The following CPZ variants were observed in gnomAD, a reference collection of about 807,000 sequenced individuals.
CPZ encodes the protein VEZT/CPZ fusion.
Under a neutral mutation model 61.8 loss-of-function variants are expected in CPZ, and 103 were observed. The observed-to-expected ratio is 1.67, with a 90% CI of 1.42 to 1.96. The LOEUF (loss-of-function observed/expected upper bound fraction) is 1.96. CPZ is among the 30% of genes most tolerant of loss of function. The pLI, the probability that CPZ is intolerant of heterozygous loss-of-function variation, is 0.00. For synonymous variants in CPZ, 551 were observed against 373.7 expected, an observed-to-expected ratio of 1.47 and a Z score of -5.47; for missense variants, 1,461 against 914.9, an observed-to-expected ratio of 1.60 and a Z score of -7.70.
chr4:8,609,072 C>CTTCCT (rs113012911), intron 7 of CPZ, among the ~76,000 whole-genome samples: 1 of 112,340 alleles, frequency 8.9e-6, no homozygotes, highest in Non-Finnish European at 2.0e-5. Flanking sequence ...CCCTCACTCA[C>CTTCCT]CACTCATACA....
chr4:8,618,237 G>A, intron 9 of CPZ, 192 bp from the exon 10 acceptor site: 8 of 598,716 alleles, frequency 1.3e-5, no homozygotes, highest in Middle Eastern at 3.8e-4. Context: ...TGCCAGGGAG[G>A]AAACTGAGGC....
Position 8,600,972 on chromosome 4 carries a change from C to T in CPZ, c.122-151C>T, listed in dbSNP as rs1428156308. On this transcript the variant is annotated intron_variant, in intron 2 of 10. Coordinates refer to ENST00000360986, the MANE Select transcript of CPZ (RefSeq NM_001014447.3). ...TCTCTCACAGGCTCTGATTCCTGCA[C>T]AGTAGCTGTTGTCCTGGTCCTCCCC... 5.3e-5 allele frequency: 75 copies of T among 1,405,370 alleles called. 1 individual carries two copies. The highest frequency in any genetic ancestry group is 6.3e-5 in the Non-Finnish European group (68 of 1,084,044). The allele number at this position is 1,405,370 out of a possible 1,614,324, so 87.1% of individuals were successfully genotyped here.
At position 8,600,946 on chromosome 4, in the gene CPZ, G is replaced by C. The variant is rs1714526983; in HGVS notation, c.122-177G>C. On this transcript the variant is annotated intron_variant, in intron 2 of 10. Transcript: ENST00000360986. ...TGGTTGGTCTTAGGCTCCTCCTCTG[G>C]TCTCTCACAGGCTCTGATTCCTGCA... 12 of 1,352,100 alleles carry C rather than the reference G, an allele frequency of 8.9e-6. No individual in the cohort carries two copies. The East Asian group carries it at 3.4e-4, about 39-fold the overall frequency. 83.8% of individuals were successfully genotyped at this position (1,352,100 alleles called of 1,614,324 possible).
At position 8,619,672 on chromosome 4, in the gene CPZ, G is replaced by A. The variant is rs1577134011; in HGVS notation, c.*55G>A. On this transcript the variant is annotated 3_prime_UTR_variant, in exon 11 of 11. Transcript: ENST00000360986. ...AGACCGAGGCCCATCTCCGCATCCCGGGCTCCTGGCTCTTGATTTTGTCTG... is the reference window on the plus strand; with the variant it reads ...AGACCGAGGCCCATCTCCGCATCCCAGGCTCCTGGCTCTTGATTTTGTCTG... 9.8e-6 allele frequency: 13 copies of A among 1,327,898 alleles called. No individual in the cohort carries two copies. Among genetic ancestry groups the A allele is most frequent in the African/African-American group, 1.5e-5 (1 of 67,372 alleles). The allele number at this position is 1,327,898 out of a possible 1,614,324, so 82.3% of individuals were successfully genotyped here. A position where few individuals can be genotyped will look rare whatever the true frequency, so the allele number is the denominator to read the frequency against.
chr4:8,605,563 ATATC>A (rs1186068499), intron 4 of CPZ, among the ~76,000 whole-genome samples: 1 of 123,632 alleles, frequency 8.1e-6, no homozygotes, highest in Non-Finnish European at 1.7e-5. Context: ...CATCATTGAT[ATATC>A]TATCCATCCA....
chr4:8,610,905 C>G (rs140726120), intron 7 of CPZ, among the ~76,000 whole-genome samples: 1 of 152,230 alleles, frequency 6.6e-6, no homozygotes, highest in African/African-American at 2.4e-5. Context: ...CCAAACCTCA[C>G]GTCTGGGAGT....
chr4:8,612,428 C>T (rs1013619512), intron 8 of CPZ, among the ~76,000 whole-genome samples: 1 of 152,188 alleles, frequency 6.6e-6, no homozygotes, highest in Non-Finnish European at 1.5e-5. Flanking sequence ...CGGTTTCACC[C>T]ATGACCAATA....
At position 8,612,286 on chromosome 4, in the gene CPZ, C is replaced by A. The variant is rs925021010; in HGVS notation, c.1363+124C>A. 7.5e-6 allele frequency: 6 copies of A among 804,248 alleles called. No individual in the cohort carries two copies. In the Admixed American group the frequency reaches 2.0e-4, roughly 26 times the overall value. The allele number at this position is 804,248 out of a possible 1,614,324, so 49.8% of individuals were successfully genotyped here. On this transcript the variant is annotated intron_variant, in intron 8 of 10. Coordinates refer to ENST00000360986, the MANE Select transcript of CPZ (RefSeq NM_001014447.3). ...CAGCTGGAGAGCCCGGAAGACAGGG[C>A]GATGCCTCACCTGGTGGAGAGGAGG...
At chr4:8,614,937 C>G (rs1716035834) in intron 9 of CPZ, among the ~76,000 whole-genome samples, 2 of 151,608 alleles carry the variant, frequency 1.3e-5, no homozygotes, top group African/African-American at 4.8e-5. Context: ...TGCTAGAACC[C>G]CAAGGGGACA....
chr4:8,594,610 G>A (rs866603813), intron 1 of CPZ, among the ~76,000 whole-genome samples: 8 of 152,136 alleles, frequency 5.3e-5, no homozygotes, highest in Non-Finnish European at 1.2e-4. Flanking sequence ...TTGAAGAAAT[G>A]CTGCCACCTC....
intron 9 of CPZ, among the ~76,000 whole-genome samples, chr4:8,616,925 CAGG>C (rs1413571795): frequency 6.6e-6 from 1 of 152,178 alleles, no homozygotes; most frequent in East Asian, 1.9e-4. Flanking sequence ...TCCATCGCGT[CAGG>C]AGGGCTGGGA....
intron 7 of CPZ, among the ~76,000 whole-genome samples, chr4:8,609,184 G>GCATTCACTCACTCCCTCATTCCCTTACT (rs796375066): frequency 9.1e-6 from 1 of 109,324 alleles, no homozygotes; most frequent in Non-Finnish European, 2.0e-5. Context: ...ATTCACTCAG[G>GCATTCACTCACTCCCTCATTCCCTTACT]CATTCACTCA....
At chr4:8,607,032 T>G in intron 6 of CPZ, 134 bp downstream of exon 6, 2 of 1,155,254 alleles carry the variant, frequency 1.7e-6, no homozygotes, top group Non-Finnish European at 2.4e-6. Flanking sequence ...GTTACCTGTC[T>G]GTGAAATGGG....
At chr4:8,605,170 G>T (rs1305331014) in intron 4 of CPZ, among the ~76,000 whole-genome samples, 1 of 152,236 alleles carries the variant, frequency 6.6e-6, no homozygotes, top group African/African-American at 2.4e-5. Context: ...ATCCCTGGCT[G>T]TCCCTGGGCC....
At chr4:8,600,966 C>T (rs1326240471) in intron 2 of CPZ, 157 bp from the exon 3 acceptor site, 1 of 1,397,378 alleles carries the variant, frequency 7.2e-7, no homozygotes, top group Non-Finnish European at 9.3e-7. Context: ...GGCTCTGATT[C>T]CTGCACAGTA....
chr4:8,609,873 G>T (rs3796733), intron 7 of CPZ, among the ~76,000 whole-genome samples: 1 of 152,014 alleles, frequency 6.6e-6, no homozygotes, highest in South Asian at 2.1e-4. Flanking sequence ...TGGCAGGGGA[G>T]CATGAGAGGG....
chr4:8,614,785 C>A (rs1353679457), intron 9 of CPZ, among the ~76,000 whole-genome samples: 1 of 152,132 alleles, frequency 6.6e-6, no homozygotes, highest in Admixed American at 6.5e-5. Flanking sequence ...GGAGCATGGG[C>A]CTGGGCAGCC....
intron 1 of CPZ, among the ~76,000 whole-genome samples, chr4:8,595,151 C>T (rs181293493): frequency 6.6e-6 from 1 of 152,222 alleles, no homozygotes; most frequent in African/African-American, 2.4e-5. Context: ...TAATGAAACA[C>T]ACTGTTTTTA....
intron 6 of CPZ, 114 bp downstream of exon 6, chr4:8,607,012 C>T: frequency 7.9e-7 from 1 of 1,267,614 alleles, no homozygotes; most frequent in East Asian, 2.5e-5. Flanking sequence ...GGTGCTCCCT[C>T]CCTGCCTCAG....
Sources: gnomAD v4.1 joint callset for allele counts (sites outside exome capture counted in the v4.1 genomes callset) on GRCh38, gnomAD v4.1.1 for gene constraint, MANE v1.5 for transcripts, NCBI Gene and HGNC (gene_info 2026-07-23, HGNC 2026-07-21) for gene names.